PACRG: variants seen among roughly 807,000 people sequenced by gnomAD.
PACRG encodes the protein parkin coregulated.
In PACRG, 29 loss-of-function variants were observed where a neutral mutation model predicts 29.7. That is an observed-to-expected ratio of 0.98 (90% confidence interval 0.73 to 1.33). The LOEUF is 1.33. Among genes scored for constraint, PACRG ranks in the 40% most tolerant of loss-of-function variants. The pLI, the probability that PACRG is intolerant of heterozygous loss-of-function variation, is 0.00. For missense variants in PACRG, 279 were observed against 316.2 expected (o/e 0.88, Z 0.89); for synonymous variants, 116 against 118.7 (o/e 0.98, Z 0.15).
intron 4 of PACRG, among the ~76,000 whole-genome samples, chr6:163,162,800 C>G (rs1204349508): frequency 6.6e-6 from 1 of 152,202 alleles, no homozygotes; most frequent in Non-Finnish European, 1.5e-5. Flanking sequence ...AGCTGGCCAG[C>G]CGTAAAGGCC....
At chr6:162,886,085 C>T (rs1048734430) in intron 2 of PACRG, among the ~76,000 whole-genome samples, 7 of 151,990 alleles carry the variant, frequency 4.6e-5, no homozygotes, top group African/African-American at 1.7e-4. Context: ...TTATCATGCC[C>T]AACTAATTTT....
intron 4 of PACRG, among the ~76,000 whole-genome samples, chr6:163,155,324 G>C (rs754583298): frequency 6.6e-5 from 10 of 152,222 alleles, no homozygotes; most frequent in Non-Finnish European, 1.5e-4. Flanking sequence ...AAGCTGGGAG[G>C]GTCATTCCAA....
At chr6:163,017,974 A>C (rs957500942) in intron 2 of PACRG, among the ~76,000 whole-genome samples, 7 of 151,994 alleles carry the variant, frequency 4.6e-5, no homozygotes, top group Non-Finnish European at 7.4e-5. Context: ...CATGGCATCC[A>C]TTTACTCCAG....
At chr6:163,021,610 C>T (rs1032218807) in intron 2 of PACRG, among the ~76,000 whole-genome samples, 2 of 152,090 alleles carry the variant, frequency 1.3e-5, no homozygotes, top group Admixed American at 6.5e-5. Context: ...TCACAATTAG[C>T]GTCTTTCCAT....
chr6:162,746,570 A>G (rs1781000102), intron 1 of PACRG, among the ~76,000 whole-genome samples: 1 of 152,248 alleles, frequency 6.6e-6, no homozygotes, highest in Non-Finnish European at 1.5e-5. Context: ...ACACAAAATT[A>G]TCTTCTGTCA....
chr6:162,929,563 C>A (rs1350111500), intron 2 of PACRG, among the ~76,000 whole-genome samples: 1 of 152,002 alleles, frequency 6.6e-6, no homozygotes, highest in East Asian at 1.9e-4. Flanking sequence ...CCTTGCTGTG[C>A]AAAAGCTTTC....
chr6:162,887,407 C>A (rs1584662558), intron 2 of PACRG, among the ~76,000 whole-genome samples: 1 of 152,262 alleles, frequency 6.6e-6, no homozygotes, highest in South Asian at 2.1e-4. Context: ...AATGTATTCT[C>A]TGGAATTTTA....
chr6:162,931,671 A>G (rs1797861697), intron 2 of PACRG, among the ~76,000 whole-genome samples: 19 of 151,992 alleles, frequency 1.3e-4, no homozygotes, highest in Admixed American at 1.2e-3. Context: ...ATACCACATG[A>G]TTAGTTCATT....
chr6:163,305,671 A>T (rs1785172947), intron 4 of PACRG, among the ~76,000 whole-genome samples: 1 of 152,230 alleles, frequency 6.6e-6, no homozygotes, highest in Non-Finnish European at 1.5e-5. Context: ...CCTTGAAATC[A>T]GTCGGCCTTG....
In PACRG at chr6:163,149,411, G is replaced by A. The variant is rs140497922; in HGVS notation, c.613+60003G>A. On this transcript the variant is annotated intron_variant, in intron 4 of 4. Transcript: ENST00000366888. ...TTAAAAAGTGAAAAGCCAAGGCCAC[G>A]TCTATGTGCGGCCTCGCCCTCCTTC... Among the ~76,000 whole-genome samples the A allele has an allele frequency of 8.1e-4, 123 of 152,286 alleles. 1 individual carries two copies. In the East Asian group the frequency reaches 0.023, roughly 29 times the overall value.
intron 1 of PACRG, among the ~76,000 whole-genome samples, chr6:162,734,840 C>G (rs1387233018): frequency 6.6e-6 from 1 of 152,160 alleles, no homozygotes; most frequent in Non-Finnish European, 1.5e-5. Context: ...CAACCAACAC[C>G]CAAATCCAGA....
At chr6:163,101,762 G>T (rs906789453) in intron 4 of PACRG, among the ~76,000 whole-genome samples, 1 of 152,118 alleles carries the variant, frequency 6.6e-6, no homozygotes, top group African/African-American at 2.4e-5. Context: ...AGGCCTTCCT[G>T]CTCTCACCGT....
chr6:162,913,682 C>T (rs999549427), intron 2 of PACRG, among the ~76,000 whole-genome samples: 7 of 152,142 alleles, frequency 4.6e-5, no homozygotes, highest in Non-Finnish European at 7.3e-5. Context: ...CCACTAGCAG[C>T]GTTTGAGAGT....
At chr6:162,938,067 G>A (rs1390501458) in intron 2 of PACRG, among the ~76,000 whole-genome samples, 1 of 151,980 alleles carries the variant, frequency 6.6e-6, no homozygotes, top group East Asian at 1.9e-4. Context: ...CTTTTCCCCT[G>A]TGTCCCCAAG....
intron 4 of PACRG, among the ~76,000 whole-genome samples, chr6:163,290,145 C>G (rs1376509141): frequency 6.6e-6 from 1 of 152,152 alleles, no homozygotes; most frequent in African/African-American, 2.4e-5. Context: ...CAGGCATGAG[C>G]CACCACGCCC....
intron 1 of PACRG, among the ~76,000 whole-genome samples, chr6:162,764,847 G>A (rs866214694): frequency 1.7e-4 from 26 of 151,384 alleles, no homozygotes; most frequent in Admixed American, 3.3e-4. Flanking sequence ...GGGTTCAAGC[G>A]TTTCTCCTGC....
intron 2 of PACRG, among the ~76,000 whole-genome samples, chr6:162,851,102 T>C (rs1337639712): frequency 6.6e-6 from 1 of 152,126 alleles, no homozygotes; most frequent in African/African-American, 2.4e-5. Flanking sequence ...CGGAGGAAAA[T>C]GCTTTGATTT....
chr6:163,157,313 C>T (rs1778366312), intron 4 of PACRG, among the ~76,000 whole-genome samples: 1 of 152,174 alleles, frequency 6.6e-6, no homozygotes, highest in African/African-American at 2.4e-5. Flanking sequence ...CCTTACCTTC[C>T]CTCAGCTCTC....
rs1481893475 is a variant in PACRG at position 162,787,584 on chromosome 6, A to ATC, written c.157-26562_157-26561insCT. ...TGTGTGTGTGTGTGTGTGTGTGTGT[A>ATC]TATATATATATATATATATATATAT... On this transcript the variant is annotated intron_variant, in intron 1 of 4. Coordinates refer to ENST00000366888, the MANE Select transcript of PACRG (RefSeq NM_001080379.2). Among the ~76,000 whole-genome samples, 107 of 17,492 alleles carry ATC rather than the reference A, an allele frequency of 6.1e-3. 3 individuals carry two copies. Among genetic ancestry groups the ATC allele is most frequent in the African/African-American group, 0.017 (92 of 5,508 alleles). The allele number at this position is 17,492 out of a possible 152,430, so 11.5% of individuals were successfully genotyped here.
Sources: allele counts gnomAD v4.1 joint callset (sites outside exome capture counted in the v4.1 genomes callset), GRCh38; gene constraint gnomAD v4.1.1; transcripts MANE v1.5; gene names NCBI Gene and HGNC (gene_info 2026-07-23, HGNC 2026-07-21).